The following KCNB2 variants were observed in gnomAD, a reference collection of about 807,000 sequenced individuals.
KCNB2 encodes potassium voltage-gated channel subfamily B member 2, also known as delayed rectifier potassium channel protein.
KCNB2 carries 15 observed loss-of-function variants against 61.5 expected under a neutral mutation model. That is an observed-to-expected ratio of 0.24 (90% CI 0.16 to 0.38). The LOEUF (loss-of-function observed/expected upper bound fraction) is 0.38. Among genes scored for constraint, KCNB2 ranks in the 10% least tolerant of loss-of-function variants. The pLI, the probability that KCNB2 is intolerant of heterozygous loss-of-function variation, is 1.00. For missense variants in KCNB2, 828 were observed against 1,125.2 expected (o/e 0.74, Z 3.78); for synonymous variants, 457 against 446.0 (o/e 1.02, Z -0.31).
intron 2 of KCNB2, among the ~76,000 whole-genome samples, chr8:72,698,192 G>A (rs1807049886): frequency 6.6e-6 from 1 of 151,996 alleles, no homozygotes; most frequent in Non-Finnish European, 1.5e-5. Flanking sequence ...AAAATCAGTA[G>A]CATTTCTGTA....
intron 2 of KCNB2, among the ~76,000 whole-genome samples, chr8:72,814,915 G>A (rs1809367915): frequency 6.6e-6 from 1 of 152,042 alleles, no homozygotes; most frequent in African/African-American, 2.4e-5. Flanking sequence ...ATAATAACTA[G>A]AAAAATTAAA....
intron 2 of KCNB2, among the ~76,000 whole-genome samples, chr8:72,707,662 G>A (rs561763943): frequency 1.3e-5 from 2 of 152,258 alleles, no homozygotes; most frequent in South Asian, 2.1e-4. Context: ...ACTCAAAAAC[G>A]AAAAGTGGCA....
intron 2 of KCNB2, among the ~76,000 whole-genome samples, chr8:72,617,018 G>A (rs940376474): frequency 6.6e-6 from 1 of 152,182 alleles, no homozygotes; most frequent in Non-Finnish European, 1.5e-5. Flanking sequence ...CTCGAGCCAG[G>A]TGTCTGCTCA....
At chr8:72,561,731 A>ATATGTG (rs1806525887) in intron 1 of KCNB2, among the ~76,000 whole-genome samples, 9 of 21,338 alleles carry the variant, frequency 4.2e-4, no homozygotes, top group Non-Finnish European at 5.9e-4. Context: ...ATATATATCT[A>ATATGTG]TATCTATATA....
At chr8:72,617,367 A>G (rs1585787022) in intron 2 of KCNB2, among the ~76,000 whole-genome samples, 1 of 152,172 alleles carries the variant, frequency 6.6e-6, no homozygotes, top group Non-Finnish European at 1.5e-5. Context: ...ATAGGCAAGG[A>G]CAGGATTTGA....
chr8:72,849,030 A>G (rs1235493948), intron 2 of KCNB2, among the ~76,000 whole-genome samples: 5 of 150,064 alleles, frequency 3.3e-5, no homozygotes, highest in Non-Finnish European at 5.9e-5. Context: ...TAATGTATAT[A>G]TGCTATATTA....
At chr8:72,538,682 G>T (rs925410477) in intron 1 of KCNB2, among the ~76,000 whole-genome samples, 7 of 151,786 alleles carry the variant, frequency 4.6e-5, no homozygotes, top group Non-Finnish European at 8.8e-5. Context: ...TTAATTCCGC[G>T]CAGGTTCAAC....
At chr8:72,724,698 C>A (rs2128993009) in intron 2 of KCNB2, among the ~76,000 whole-genome samples, 1 of 152,246 alleles carries the variant, frequency 6.6e-6, no homozygotes, top group South Asian at 2.1e-4. Context: ...AGTTGTATAT[C>A]TGAAGTTCAA....
intron 2 of KCNB2, among the ~76,000 whole-genome samples, chr8:72,895,949 A>G (rs936586127): frequency 2.0e-5 from 3 of 152,188 alleles, no homozygotes; most frequent in African/African-American, 7.2e-5. Flanking sequence ...AAAAGTCTAT[A>G]TTTTATAACT....
At chr8:72,664,798 G>T (rs112029028) in intron 2 of KCNB2, among the ~76,000 whole-genome samples, 1 of 152,122 alleles carries the variant, frequency 6.6e-6, no homozygotes, top group East Asian at 1.9e-4. Context: ...GTTAGAAAAC[G>T]ATAACTGCAA....
intron 2 of KCNB2, among the ~76,000 whole-genome samples, chr8:72,689,336 A>G (rs932582020): frequency 1.3e-5 from 2 of 152,218 alleles, no homozygotes; most frequent in African/African-American, 4.8e-5. Flanking sequence ...TTTGATAAGT[A>G]CTGTGGTCAA....
chr8:72,929,691 T>C (rs1462267663), intron 2 of KCNB2, among the ~76,000 whole-genome samples: 1 of 152,228 alleles, frequency 6.6e-6, no homozygotes, highest in Non-Finnish European at 1.5e-5. Flanking sequence ...TTAAGTGACC[T>C]TGCAGATGAC....
At chr8:72,845,101 G>C (rs899865952) in intron 2 of KCNB2, among the ~76,000 whole-genome samples, 5 of 152,082 alleles carry the variant, frequency 3.3e-5, no homozygotes, top group Admixed American at 6.6e-5. Context: ...CTTTGATGCC[G>C]GTGACCTTTG....
At chr8:72,919,202 A>G (rs1429715106) in intron 2 of KCNB2, among the ~76,000 whole-genome samples, 1 of 152,178 alleles carries the variant, frequency 6.6e-6, no homozygotes, top group African/African-American at 2.4e-5. Flanking sequence ...TCACTTCTTT[A>G]CATATTTAAG....
intron 1 of KCNB2, among the ~76,000 whole-genome samples, chr8:72,558,152 A>C (rs1268036975): frequency 6.6e-6 from 1 of 152,230 alleles, no homozygotes; most frequent in Non-Finnish European, 1.5e-5. Flanking sequence ...AATTTTAAAT[A>C]ACTCACGTCA....
At position 72,937,102 on chromosome 8, in the gene KCNB2, C is replaced by G. The variant is rs1355646265; in HGVS notation, c.1747C>G (p.Gln583Glu). 2 of 1,614,036 alleles carry G rather than the reference C, an allele frequency of 1.2e-6. No individual in the cohort carries two copies. The highest frequency in any genetic ancestry group is 3.3e-5 in the Admixed American group (2 of 60,012). The change falls in exon 3 of 3, where the codon CAG becomes GAG. Residue 583 changes from glutamine to glutamate, a missense_variant. Coordinates refer to ENST00000523207, the MANE Select transcript of KCNB2 (RefSeq NM_004770.3). ...EIEMEEVVCP[Q>E]EQLAVAQTEV... ...TGAAATGGAAGAAGTGGTGTGTCCA[C>G]AGGAGCAGCTGGCCGTGGCACAGAC... is the stretch of plus-strand genomic sequence containing the variant.
chr8:72,790,591 C>G (rs1357797576), intron 2 of KCNB2, among the ~76,000 whole-genome samples: 2 of 152,114 alleles, frequency 1.3e-5, no homozygotes, highest in Admixed American at 1.3e-4. Flanking sequence ...CTTTGGCACT[C>G]GAGGGGAGGA....
At chr8:72,569,326 C>T (rs571608590) in intron 2 of KCNB2, among the ~76,000 whole-genome samples, 309 of 152,178 alleles carry the variant, frequency 2.0e-3, no homozygotes, top group Admixed American at 5.4e-3. Context: ...AATCTTCTCT[C>T]GTGAACAGTA....
intron 2 of KCNB2, among the ~76,000 whole-genome samples, chr8:72,739,692 G>A (rs903704552): frequency 1.3e-5 from 2 of 152,068 alleles, no homozygotes; most frequent in African/African-American, 4.8e-5. Context: ...AAAATAAATA[G>A]AGACCAAGAA....
Sources: gnomAD v4.1 joint callset for allele counts (sites outside exome capture counted in the v4.1 genomes callset) on GRCh38, gnomAD v4.1.1 for gene constraint, MANE v1.5 for transcripts, NCBI Gene and HGNC (gene_info 2026-07-23, HGNC 2026-07-21) for gene names.